Variants in GALNT13 observed in about 807,000 individuals in gnomAD.
GALNT13 encodes UDP-GalNAc:polypeptide N-acetylgalactosaminyltransferase 13.
A neutral mutation model predicts 64.2 loss-of-function variants in GALNT13; 28 were observed. The ratio of observed to expected loss-of-function variants is 0.44; its 90% CI spans 0.32 to 0.60. The LOEUF (loss-of-function observed/expected upper bound fraction) is 0.60, where lower values mean the gene tolerates loss of function less well. Ranked by LOEUF, GALNT13 falls within the 20% of genes least tolerant of loss-of-function variation. The probability of loss-of-function intolerance (pLI) is 0.05; values close to 1 mark genes in which losing one functional copy is unlikely to be tolerated. For missense variants in GALNT13, 577 were observed against 669.8 expected (o/e 0.86, Z 1.53); for synonymous variants, 214 against 224.6 (o/e 0.95, Z 0.42).
the GALNT13 span, among the ~76,000 whole-genome samples, chr2:153,125,759 G>A: frequency 7.7e-4 from 118 of 152,282 alleles, 1 homozygote; most frequent in East Asian, 0.019. Flanking sequence ...AAGCCTATGT[G>A]TGATTGCTGT....
the GALNT13 span, among the ~76,000 whole-genome samples, chr2:153,129,464 G>A: frequency 6.6e-6 from 1 of 152,094 alleles, no homozygotes; most frequent in Non-Finnish European, 1.5e-5. Flanking sequence ...AGGTAAGGTA[G>A]AGAATAACCG....
At chr2:153,357,045 C>T in the GALNT13 span, among the ~76,000 whole-genome samples, 1 of 151,856 alleles carries the variant, frequency 6.6e-6, no homozygotes, top group African/African-American at 2.4e-5. Flanking sequence ...CCTGATCTCT[C>T]AATCCACCTG....
the GALNT13 span, among the ~76,000 whole-genome samples, chr2:153,780,242 T>TATATATATATGC: frequency 1.3e-5 from 1 of 78,506 alleles, no homozygotes; most frequent in Admixed American, 1.2e-4. Context: ...TATATATATA[T>TATATATATATGC]ATATATATAT....
At chr2:154,391,821 T>A (rs1329949446) in intron 9 of GALNT13, among the ~76,000 whole-genome samples, 2 of 152,108 alleles carry the variant, frequency 1.3e-5, no homozygotes, top group Admixed American at 1.3e-4. Context: ...GTGAGCAAAG[T>A]GATCTGAAAT....
the GALNT13 span, among the ~76,000 whole-genome samples, chr2:153,292,054 G>T: frequency 6.6e-6 from 1 of 152,126 alleles, no homozygotes; most frequent in Non-Finnish European, 1.5e-5. Flanking sequence ...TTCTACAGGC[G>T]TTTCTGGTGC....
the GALNT13 span, among the ~76,000 whole-genome samples, chr2:153,225,752 G>T: frequency 1.2e-4 from 19 of 152,080 alleles, no homozygotes; most frequent in Admixed American, 8.5e-4. Context: ...AAATTCTTGG[G>T]TATAAATCAA....
intron 3 of GALNT13, among the ~76,000 whole-genome samples, chr2:154,052,427 T>C (rs1340047395): frequency 6.6e-6 from 1 of 152,214 alleles, no homozygotes; most frequent in Non-Finnish European, 1.5e-5. Flanking sequence ...ACTCTCTTCC[T>C]AAAGTTTTTC....
the GALNT13 span, among the ~76,000 whole-genome samples, chr2:153,078,151 C>T: frequency 6.6e-6 from 1 of 151,578 alleles, no homozygotes. Flanking sequence ...TTTTTTTTAA[C>T]TTGTGAGTGT....
At chr2:154,218,069 A>G (rs1040528543) in intron 4 of GALNT13, among the ~76,000 whole-genome samples, 7 of 152,114 alleles carry the variant, frequency 4.6e-5, no homozygotes, top group Admixed American at 4.6e-4. Flanking sequence ...TTAGCTTTGG[A>G]TTGATATCAG....
At chr2:153,504,549 G>T in the GALNT13 span, among the ~76,000 whole-genome samples, 2 of 152,068 alleles carry the variant, frequency 1.3e-5, no homozygotes, top group Admixed American at 6.6e-5. Context: ...TTACCTTAAG[G>T]TATGTCCCTT....
chr2:153,680,408 A>G, the GALNT13 span, among the ~76,000 whole-genome samples: 12 of 151,900 alleles, frequency 7.9e-5, no homozygotes. Flanking sequence ...AACAGAAGAC[A>G]ATAAATAGCA....
intron 4 of GALNT13, among the ~76,000 whole-genome samples, chr2:154,141,495 G>A (rs551235208): frequency 3.3e-5 from 5 of 151,484 alleles, no homozygotes; most frequent in African/African-American, 9.7e-5. Flanking sequence ...TTTTAAAAAC[G>A]AAGACACAAA....
intron 3 of GALNT13, among the ~76,000 whole-genome samples, chr2:154,061,477 T>G (rs1228991623): frequency 6.6e-6 from 1 of 152,232 alleles, no homozygotes; most frequent in East Asian, 1.9e-4. Flanking sequence ...TTAATTTTTA[T>G]TCATCATTCT....
chr2:153,686,047 C>A, the GALNT13 span, among the ~76,000 whole-genome samples: 1 of 151,894 alleles, frequency 6.6e-6, no homozygotes, highest in South Asian at 2.1e-4. Context: ...TTACTGTAGC[C>A]CTGTAGTATA....
At chr2:153,327,046 T>C in the GALNT13 span, among the ~76,000 whole-genome samples, 3 of 151,976 alleles carry the variant, frequency 2.0e-5, no homozygotes, top group African/African-American at 7.3e-5. Context: ...ATAGGGCCAC[T>C]GCACTCCAGC....
chr2:153,248,349 C>G, the GALNT13 span, among the ~76,000 whole-genome samples: 1 of 152,096 alleles, frequency 6.6e-6, no homozygotes, highest in Non-Finnish European at 1.5e-5. Flanking sequence ...CAGCACATCA[C>G]AAAGCTTATC....
intron 1 of GALNT13, among the ~76,000 whole-genome samples, chr2:153,877,612 A>T (rs1352393736): frequency 6.6e-6 from 1 of 151,918 alleles, no homozygotes; most frequent in Non-Finnish European, 1.5e-5. Flanking sequence ...GCTTAGAAGC[A>T]TAATAACTGA....
At chr2:153,719,775 C>T in the GALNT13 span, among the ~76,000 whole-genome samples, 4 of 151,612 alleles carry the variant, frequency 2.6e-5, no homozygotes, top group Non-Finnish European at 5.9e-5. Flanking sequence ...CGGCGCACCA[C>T]GAGACTATAT....
chr2:154,219,699 G>A (rs1325354348), intron 4 of GALNT13, among the ~76,000 whole-genome samples: 2 of 151,950 alleles, frequency 1.3e-5, no homozygotes, highest in East Asian at 1.9e-4. Flanking sequence ...GTACTTTTTG[G>A]GAATGGAACT....
Sources: gnomAD v4.1 joint callset for allele counts (sites outside exome capture counted in the v4.1 genomes callset) on GRCh38, gnomAD v4.1.1 for gene constraint, MANE v1.5 for transcripts, NCBI Gene and HGNC (gene_info 2026-07-23, HGNC 2026-07-21) for gene names.